CDK6: variants seen among roughly 807,000 people sequenced by gnomAD.
CDK6 encodes cyclin-dependent kinase 6.
CDK6 carries 6 observed loss-of-function variants against 37.1 expected under a neutral mutation model. The ratio of observed to expected loss-of-function variants is 0.16; its 90% CI spans 0.09 to 0.32. CDK6 has a LOEUF of 0.32. Ranked by LOEUF, CDK6 falls within the 10% of genes least tolerant of loss-of-function variation. The pLI is 1.00. For synonymous variants in CDK6, 160 were observed against 161.3 expected (o/e 0.99, Z 0.06); for missense variants, 224 against 418.9 (o/e 0.53, Z 4.06).
At chr7:92,628,273 G>C (rs183179796) in intron 5 of CDK6, among the ~76,000 whole-genome samples, 1 of 147,518 alleles carries the variant, frequency 6.8e-6, no homozygotes, top group East Asian at 2.0e-4. Context: ...ATGAGTGTTA[G>C]TTTTAAAATC....
intron 4 of CDK6, among the ~76,000 whole-genome samples, chr7:92,694,465 C>G (rs1202374659): frequency 6.6e-6 from 1 of 152,080 alleles, no homozygotes; most frequent in African/African-American, 2.4e-5. Flanking sequence ...AAACTTTAAC[C>G]AAGAGGAAAA....
At chr7:92,623,196 G>C in intron 5 of CDK6, 110 bp from the exon 6 acceptor site, 2 of 735,318 alleles carry the variant, frequency 2.7e-6, no homozygotes, top group Non-Finnish European at 4.5e-6. Flanking sequence ...TATGGGTTGG[G>C]AAGAAGTAAA....
At chr7:92,759,697 C>CAAA (rs61188860) in intron 3 of CDK6, among the ~76,000 whole-genome samples, 3 of 74,132 alleles carry the variant, frequency 4.0e-5, no homozygotes, top group African/African-American at 1.3e-4. Context: ...GACTTTAAGG[C>CAAA]AAAAAAAAAA....
At chr7:92,634,526 C>T (rs1585353549) in intron 5 of CDK6, among the ~76,000 whole-genome samples, 1 of 151,816 alleles carries the variant, frequency 6.6e-6, no homozygotes, top group East Asian at 1.9e-4. Context: ...CAGTTTAACT[C>T]TTCCAAATGC....
chr7:92,748,304 G>C (rs1371964172), intron 3 of CDK6, among the ~76,000 whole-genome samples: 1 of 152,164 alleles, frequency 6.6e-6, no homozygotes, highest in Non-Finnish European at 1.5e-5. Context: ...AAGGAAGAAA[G>C]GCCTTTAGGG....
intron 5 of CDK6, among the ~76,000 whole-genome samples, chr7:92,628,544 C>T (rs1212038445): frequency 2.6e-5 from 4 of 152,016 alleles, no homozygotes; most frequent in Non-Finnish European, 5.9e-5. Flanking sequence ...GTTATTGCTC[C>T]CCCCTGCAAG....
intron 2 of CDK6, among the ~76,000 whole-genome samples, chr7:92,818,796 A>G (rs188213832): frequency 6.6e-6 from 1 of 152,180 alleles, no homozygotes; most frequent in East Asian, 1.9e-4. Flanking sequence ...AGGTATCAGA[A>G]TGGTCAATAG....
At chr7:92,657,002 C>G (rs937903721) in intron 5 of CDK6, among the ~76,000 whole-genome samples, 4 of 152,114 alleles carry the variant, frequency 2.6e-5, no homozygotes, top group African/African-American at 9.7e-5. Context: ...TTCTGCATGA[C>G]TGTCCATAAA....
intron 2 of CDK6, among the ~76,000 whole-genome samples, chr7:92,818,386 G>A (rs962466529): frequency 6.6e-6 from 1 of 151,896 alleles, no homozygotes; most frequent in East Asian, 1.9e-4. Context: ...GAAATAGCTG[G>A]ATATCCATAC....
chr7:92,832,236 C>A (rs1339143153), intron 2 of CDK6, among the ~76,000 whole-genome samples: 1 of 152,170 alleles, frequency 6.6e-6, no homozygotes, highest in Non-Finnish European at 1.5e-5. Flanking sequence ...ACACCATTAT[C>A]CTAAGTCACA....
chr7:92,702,824 T>C (rs889818903), intron 4 of CDK6, among the ~76,000 whole-genome samples: 1 of 152,122 alleles, frequency 6.6e-6, no homozygotes, highest in Non-Finnish European at 1.5e-5. Flanking sequence ...TAGCCAGGCA[T>C]AACTATGTTA....
chr7:92,748,462 C>T lies in CDK6; in HGVS notation c.370-22669G>A, dbSNP rs144915581. On this transcript the variant is annotated intron_variant, in intron 3 of 7. Transcript: ENST00000424848. ...TATGATCAGTTGAAAAGCACATGGACGTAACTAGAAAATACACAAGAGAAG... is the reference window on the plus strand; with the variant it reads ...TATGATCAGTTGAAAAGCACATGGATGTAACTAGAAAATACACAAGAGAAG... Among the ~76,000 whole-genome samples the T allele has an allele frequency of 2.6e-3, 397 of 152,212 alleles. 1 individual carries two copies. Among genetic ancestry groups the T allele is most frequent in the African/African-American group, 9.2e-3 (383 of 41,530 alleles).
At chr7:92,748,397 T>C (rs1437061914) in intron 3 of CDK6, among the ~76,000 whole-genome samples, 1 of 152,222 alleles carries the variant, frequency 6.6e-6, no homozygotes, top group Non-Finnish European at 1.5e-5. Context: ...GCAATTTTGA[T>C]ATGCCAGTAT....
At chr7:92,828,791 T>C (rs1801399951) in intron 2 of CDK6, among the ~76,000 whole-genome samples, 2 of 152,140 alleles carry the variant, frequency 1.3e-5, no homozygotes, top group South Asian at 4.1e-4. Flanking sequence ...AACTGCAATG[T>C]CAAAAATTCA....
chr7:92,615,136 G>A lies in CDK6; in HGVS notation c.*4C>T, dbSNP rs771828642. ...AGGATCAGCTTAAGGCGGCTGCTGA[G>A]GCCTCAGGCTGTATTCAGCTCCGAG... On this transcript the variant is annotated 3_prime_UTR_variant, in exon 8 of 8. Transcript: ENST00000424848. The A allele has an allele frequency of 6.2e-6, 10 of 1,613,452 alleles. No individual in the cohort carries two copies. In the African/African-American group the frequency reaches 1.3e-4, roughly 22 times the overall value.
At chr7:92,812,732 C>G (rs1390472687) in intron 2 of CDK6, among the ~76,000 whole-genome samples, 1 of 152,132 alleles carries the variant, frequency 6.6e-6, no homozygotes, top group African/African-American at 2.4e-5. Flanking sequence ...GGCCCACACT[C>G]AAACTTTTTA....
chr7:92,743,743 G>A (rs1245887143), intron 3 of CDK6, among the ~76,000 whole-genome samples: 1 of 152,166 alleles, frequency 6.6e-6, no homozygotes. Context: ...AACACAAATG[G>A]TCTATCCACT....
At chr7:92,774,559 AT>A in intron 3 of CDK6, 136 bp downstream of exon 3, 1 of 698,068 alleles carries the variant, frequency 1.4e-6, no homozygotes, top group Non-Finnish European at 2.2e-6. Context: ...ATCTTTGAAC[AT>A]TTTCTTTGAT....
chr7:92,741,234 T>G (rs1340373731), intron 3 of CDK6, among the ~76,000 whole-genome samples: 1 of 152,206 alleles, frequency 6.6e-6, no homozygotes, highest in Non-Finnish European at 1.5e-5. Context: ...ATATACAGCT[T>G]GATTCTATTC....
Sources: gnomAD v4.1 joint callset for allele counts (sites outside exome capture counted in the v4.1 genomes callset) on GRCh38, gnomAD v4.1.1 for gene constraint, MANE v1.5 for transcripts, NCBI Gene and HGNC (gene_info 2026-07-23, HGNC 2026-07-21) for gene names.